INTS6L: variants seen among roughly 807,000 people sequenced by gnomAD.
The protein encoded by INTS6L is integrator complex subunit 6-like.
INTS6L carries 18 observed loss-of-function variants against 64.7 expected under a neutral mutation model. That is an observed-to-expected ratio of 0.28 (90% CI 0.19 to 0.41). The LOEUF (loss-of-function observed/expected upper bound fraction) is 0.41, where lower values mean the gene tolerates loss of function less well. Ranked by LOEUF, INTS6L falls within the 10% of genes least tolerant of loss-of-function variation. The pLI, the probability that INTS6L is intolerant of heterozygous loss-of-function variation, is 1.00. For synonymous variants in INTS6L, 227 were observed against 235.9 expected, an observed-to-expected ratio of 0.96 and a Z score of 0.34; for missense variants, 533 against 661.0, an observed-to-expected ratio of 0.81 and a Z score of 2.12.
Position 135,575,102 on chromosome X carries a change from C to T in INTS6L, c.1760C>T (p.Pro587Leu). The T allele has an allele frequency of 8.3e-7, 1 of 1,210,730 alleles. No individual in the cohort carries two copies. The highest frequency in any genetic ancestry group is 1.1e-6 in the Non-Finnish European group (1 of 895,064). Residue 587 changes from proline (P) to leucine (L), a missense_variant, in exon 14 of 18, where the codon CCA becomes CTA. Physicochemically the swap from Pro to Leu is moderately conservative, Grantham distance 98. Transcript: ENST00000639893. ...GQDEDSLHSV[P>L]VAQMGNYQEY... is the part of the protein sequence containing the mutation. ...TTTGCAGATTCCCTTCATAGTGTTC[C>T]AGTTGCACAAATGGGTAACTATCAG...
In INTS6L at chrX:135,582,441, T is replaced by A. The variant is rs1197980978; in HGVS notation, c.*805T>A. ...TTATGTTTGTATGAATTTGCAAAAA[T>A]TAAAGTGTACAAAGAGATTTTGATT... On this transcript the variant is annotated 3_prime_UTR_variant, in exon 18 of 18. Coordinates refer to ENST00000639893, the MANE Select transcript of INTS6L (RefSeq NM_001351601.3). 8.9e-6 allele frequency: 1 copy of A among 112,504 alleles called. No individual in the cohort carries two copies. Among genetic ancestry groups the A allele is most frequent in the African/African-American group, 3.2e-5 (1 of 30,955 alleles). 9.3% of individuals were successfully genotyped at this position (112,504 alleles called of 1,213,427 possible). A position where few individuals can be genotyped will look rare whatever the true frequency, so the allele number is the denominator to read the frequency against.
rs200178696 is a variant in INTS6L at position 135,521,197 on chromosome X, C to A, written c.112-44C>A. The stretch of plus-strand genomic sequence containing the variant: ...CTGTAACGTTTGTATCGCCCTCCCC[C>A]CTCCTTTCCTACGCGACCCCCTCCG... On this transcript the variant is annotated intron_variant, in intron 1 of 17. Coordinates refer to ENST00000639893, the MANE Select transcript of INTS6L (RefSeq NM_001351601.3). 52 of 1,189,137 alleles carry A rather than the reference C, an allele frequency of 4.4e-5. No individual in the cohort carries two copies. The East Asian group carries it at 1.4e-3, about 31-fold the overall frequency.
At chrX:135,575,400 TAA>T (rs2087196431) in intron 14 of INTS6L, among the ~76,000 whole-genome samples, 174 bp downstream of exon 14, 1 of 112,376 alleles carries the variant, frequency 8.9e-6, no homozygotes. Context: ...GTTGGTTGAA[TAA>T]AGTCAGAGCT....
chrX:135,580,763 C>T (rs2087349901), intron 16 of INTS6L, among the ~76,000 whole-genome samples: 1 of 112,722 alleles, frequency 8.9e-6, no homozygotes, highest in Non-Finnish European at 1.9e-5. Context: ...AACTTAATTA[C>T]ACCTGCAAAG....
intron 9 of INTS6L, among the ~76,000 whole-genome samples, chrX:135,563,077 GTTAT>G (rs1375285837): frequency 1.8e-5 from 2 of 110,686 alleles, no homozygotes; most frequent in African/African-American, 6.6e-5. Context: ...CATCTTTTGG[GTTAT>G]TTAAACGTTT....
intron 9 of INTS6L, among the ~76,000 whole-genome samples, chrX:135,561,142 G>A (rs2086781071): frequency 9.2e-6 from 1 of 108,770 alleles, no homozygotes; most frequent in Non-Finnish European, 1.9e-5. Flanking sequence ...AGTTAGAGAC[G>A]GGGTTTCACC....
intron 2 of INTS6L, among the ~76,000 whole-genome samples, chrX:135,541,444 A>G (rs1415609063): frequency 1.8e-5 from 2 of 112,264 alleles, no homozygotes; most frequent in Non-Finnish European, 3.8e-5. Context: ...TTTGTTCTGC[A>G]TCCTCAAAAT....
At chrX:135,577,648 TAGTAATTAACACAC>T (rs2087266292) in intron 15 of INTS6L, among the ~76,000 whole-genome samples, 1 of 112,029 alleles carries the variant, frequency 8.9e-6, no homozygotes, top group Non-Finnish European at 1.9e-5. Context: ...TATAATTATA[TAGTAATTAACACAC>T]AGTAATTAAC....
intron 9 of INTS6L, among the ~76,000 whole-genome samples, chrX:135,564,292 C>A (rs1303977340): frequency 4.5e-5 from 5 of 110,872 alleles, no homozygotes; most frequent in African/African-American, 1.6e-4. Flanking sequence ...TATTCTTATT[C>A]TCTGTTTCTT....
At chrX:135,533,966 T>C (rs1350070737) in intron 2 of INTS6L, among the ~76,000 whole-genome samples, 1 of 111,144 alleles carries the variant, frequency 9.0e-6, no homozygotes, top group East Asian at 2.8e-4. Context: ...AGTTCTAAGA[T>C]GTTTCTGCTT....
chrX:135,579,650 A>G lies in INTS6L; in HGVS notation c.2120-138A>G, dbSNP rs2148680918. ...TATTATGTGTCCTGGCCTCAATTTG[A>G]GGGGTCTCAGATCGCCACCTGGTAT... On this transcript the variant is annotated intron_variant, in intron 15 of 17. Coordinates refer to ENST00000639893, the MANE Select transcript of INTS6L (RefSeq NM_001351601.3). The G allele has an allele frequency of 3.5e-6, 3 of 853,539 alleles. No homozygotes were observed. In the East Asian group the frequency reaches 9.5e-5, roughly 27 times the overall value. The allele number at this position is 853,539 out of a possible 1,213,427, so 70.3% of individuals were successfully genotyped here. A position where few individuals can be genotyped will look rare whatever the true frequency, so the allele number is the denominator to read the frequency against.
intron 2 of INTS6L, among the ~76,000 whole-genome samples, chrX:135,538,106 G>A (rs985475694): frequency 1.8e-5 from 2 of 111,997 alleles, no homozygotes; most frequent in Admixed American, 9.4e-5. Flanking sequence ...GAACTTTACC[G>A]CATCGGTGAA....
At chrX:135,521,758 G>C (rs1602766129) in intron 2 of INTS6L, among the ~76,000 whole-genome samples, 1 of 105,722 alleles carries the variant, frequency 9.5e-6, no homozygotes, top group African/African-American at 3.4e-5. Context: ...GGGTCGCCGC[G>C]CGGGGGGCCG....
intron 14 of INTS6L, among the ~76,000 whole-genome samples, chrX:135,575,571 A>G (rs2148674020): frequency 8.9e-6 from 1 of 112,594 alleles, no homozygotes; most frequent in Non-Finnish European, 1.9e-5. Flanking sequence ...ACATAAGAGC[A>G]AGGATTTGAA....
At chrX:135,547,102 C>G in intron 5 of INTS6L, 35 bp from the exon 6 acceptor site, 1 of 1,191,688 alleles carries the variant, frequency 8.4e-7, no homozygotes, top group Non-Finnish European at 1.1e-6. Flanking sequence ...TATATTTGAT[C>G]AAACTTGTGC....
At chrX:135,529,805 T>C (rs1330348730) in intron 2 of INTS6L, among the ~76,000 whole-genome samples, 2 of 112,606 alleles carry the variant, frequency 1.8e-5, no homozygotes, top group Non-Finnish European at 3.8e-5. Context: ...CTGACATTTA[T>C]TGAGTAATGC....
intron 15 of INTS6L, 144 bp from the exon 16 acceptor site, chrX:135,579,644 A>G: frequency 3.6e-6 from 3 of 832,550 alleles, no homozygotes; most frequent in Non-Finnish European, 5.0e-6. Flanking sequence ...TCCTGGCCTC[A>G]ATTTGAGGGG....
rs1337432641 is a variant in INTS6L at position 135,520,837 on chromosome X, AGCG to A, written c.-154_-152del. 3.5e-5 allele frequency: 18 copies of A among 517,928 alleles called. No individual in the cohort carries two copies. The highest frequency in any genetic ancestry group is 5.8e-5 in the Non-Finnish European group (18 of 308,359). The allele number at this position is 517,928 out of a possible 1,213,427, so 42.7% of individuals were successfully genotyped here. A position where few individuals can be genotyped will look rare whatever the true frequency, so the allele number is the denominator to read the frequency against. On this transcript the variant is annotated 5_prime_UTR_variant, in exon 1 of 18. Coordinates refer to ENST00000639893, the MANE Select transcript of INTS6L (RefSeq NM_001351601.3). ...GGGGCTGCAGAAAGAGGAGGCCAGGAGCGGTCCCATCCGTCCCGTCCCGTCCCG... is the reference window on the plus strand; with the variant it reads ...GGGGCTGCAGAAAGAGGAGGCCAGGAGTCCCATCCGTCCCGTCCCGTCCCG...
intron 10 of INTS6L, 150 bp from the exon 11 acceptor site, chrX:135,570,286 A>T: frequency 2.2e-6 from 1 of 447,725 alleles, no homozygotes; most frequent in Admixed American, 4.7e-5. Flanking sequence ...TGCTATTTTC[A>T]TTGCCACTTT....
Sources: allele counts gnomAD v4.1 joint callset (sites outside exome capture counted in the v4.1 genomes callset), GRCh38; gene constraint gnomAD v4.1.1; transcripts MANE v1.5; gene names NCBI Gene and HGNC (gene_info 2026-07-23, HGNC 2026-07-21).